SCARB2: variants seen among roughly 807,000 people sequenced by gnomAD.
SCARB2 encodes lysosome membrane protein 2.
Under a neutral mutation model 58.6 loss-of-function variants are expected in SCARB2, and 29 were observed. The observed-to-expected ratio is 0.49, with a 90% confidence interval of 0.37 to 0.67. The LOEUF is 0.67. Ranked by LOEUF, SCARB2 falls within the 30% of genes least tolerant of loss-of-function variation. SCARB2 has a pLI of 0.00. For synonymous variants in SCARB2, 195 were observed against 210.1 expected (o/e 0.93, Z 0.62); for missense variants, 488 against 578.5 (o/e 0.84, Z 1.60).
intron 2 of SCARB2, among the ~76,000 whole-genome samples, chr4:76,182,775 C>T (rs760742530): frequency 5.1e-4 from 77 of 152,290 alleles, no homozygotes; most frequent in African/African-American, 1.5e-3. Flanking sequence ...CGTAAAAATG[C>T]GCCTCGGTGA....
At chr4:76,219,409 G>A (rs1237605329) in intron 1 of SCARB2, among the ~76,000 whole-genome samples, 2 of 152,216 alleles carry the variant, frequency 1.3e-5, no homozygotes, top group East Asian at 3.8e-4. Flanking sequence ...GTACTTTCTA[G>A]AAGCAAATGA....
intron 1 of SCARB2, among the ~76,000 whole-genome samples, chr4:76,203,428 A>G (rs1231056915): frequency 6.6e-6 from 1 of 152,228 alleles, no homozygotes; most frequent in Non-Finnish European, 1.5e-5. Flanking sequence ...CCATCCCAAT[A>G]TTGGTGTTTA....
chr4:76,230,900 T>C (rs1733482336), intron 1 of SCARB2, among the ~76,000 whole-genome samples: 1 of 152,190 alleles, frequency 6.6e-6, no homozygotes, highest in Non-Finnish European at 1.5e-5. Flanking sequence ...AGCTTGGGCA[T>C]GGCTTAATTG....
chr4:76,213,373 T>A, intron 1 of SCARB2, 54 bp downstream of exon 1: 20 of 1,189,850 alleles, frequency 1.7e-5, no homozygotes, highest in Non-Finnish European at 2.5e-5. Context: ...GCAGCAGGGA[T>A]GGGAGGGTGA....
At position 76,161,150 on chromosome 4, in the gene SCARB2, G is replaced by C. The variant is rs1163765230; in HGVS notation, c.*563C>G. The C allele has an allele frequency of 6.4e-6, 1 of 156,792 alleles. No homozygotes were observed. The highest frequency in any genetic ancestry group is 1.4e-5 in the Non-Finnish European group (1 of 70,584). 9.7% of individuals were successfully genotyped at this position (156,792 alleles called of 1,614,324 possible). On this transcript the variant is annotated 3_prime_UTR_variant, in exon 12 of 12. Transcript: ENST00000264896. ...GTTGGAAGACTGAGTTTTCCTGGAAGAATTATGAACTGAAGATCAGCATAA... is the reference window on the plus strand; with the variant it reads ...GTTGGAAGACTGAGTTTTCCTGGAACAATTATGAACTGAAGATCAGCATAA...
At chr4:76,172,750 A>G (rs1285915637) in intron 7 of SCARB2, 5 of 152,014 alleles carry the variant, frequency 3.3e-5, no homozygotes, top group Admixed American at 3.3e-4. Context: ...ACTGGGCTCA[A>G]ACGACCCTTC....
chr4:76,166,209 A>G (rs765114739), intron 10 of SCARB2, 41 bp downstream of exon 10: 6 of 1,598,270 alleles, frequency 3.8e-6, no homozygotes, highest in Non-Finnish European at 5.1e-6. Flanking sequence ...ATTTTTTCTG[A>G]GTCTGAAAAC....
chr4:76,233,655 A>C (rs1733531844), intron 1 of SCARB2, among the ~76,000 whole-genome samples: 1 of 152,104 alleles, frequency 6.6e-6, no homozygotes, highest in African/African-American at 2.4e-5. Flanking sequence ...AGGCAGGAGA[A>C]AACCCAGTCC....
intron 8 of SCARB2, among the ~76,000 whole-genome samples, chr4:76,169,020 G>A (rs1010608320): frequency 5.3e-5 from 8 of 152,174 alleles, no homozygotes; most frequent in African/African-American, 1.9e-4. Flanking sequence ...TTCGTCCCTT[G>A]GTGACAAGCA....
chr4:76,186,281 G>A (rs190454691), intron 2 of SCARB2, among the ~76,000 whole-genome samples: 12 of 152,310 alleles, frequency 7.9e-5, no homozygotes, highest in Non-Finnish European at 1.3e-4. Flanking sequence ...GCGGTGGGGC[G>A]AAGGTGGGCA....
chr4:76,200,356 C>A (rs914455891), intron 1 of SCARB2, among the ~76,000 whole-genome samples: 1 of 152,174 alleles, frequency 6.6e-6, no homozygotes, highest in Non-Finnish European at 1.5e-5. Flanking sequence ...TTAACCAAGA[C>A]GAACATAATG....
intron 1 of SCARB2, among the ~76,000 whole-genome samples, chr4:76,232,521 T>G (rs182305393): frequency 6.6e-4 from 101 of 152,366 alleles, no homozygotes; most frequent in African/African-American, 2.4e-3. Context: ...GTTTTCTCTG[T>G]GGTTTACAAT....
chr4:76,203,937 T>G (rs1732878825), intron 1 of SCARB2, among the ~76,000 whole-genome samples: 1 of 152,230 alleles, frequency 6.6e-6, no homozygotes, highest in African/African-American at 2.4e-5. Flanking sequence ...GTTTCGGGAT[T>G]CGAGAGCACT....
chr4:76,189,587 A>G (rs1732560598), intron 2 of SCARB2, among the ~76,000 whole-genome samples: 2 of 151,778 alleles, frequency 1.3e-5, no homozygotes, highest in African/African-American at 2.4e-5. Context: ...GGTTCAAGTG[A>G]TTCTCCTGCC....
chr4:76,185,330 AAG>A (rs1159953531), intron 2 of SCARB2, among the ~76,000 whole-genome samples: 2 of 152,376 alleles, frequency 1.3e-5, no homozygotes, highest in African/African-American at 4.8e-5. Context: ...CAGAAATACA[AAG>A]AAGAGTTTGA....
intron 1 of SCARB2, among the ~76,000 whole-genome samples, chr4:76,207,232 C>T (rs1732947531): frequency 6.6e-6 from 1 of 152,118 alleles, no homozygotes; most frequent in Admixed American, 6.5e-5. Flanking sequence ...ATAATGATGT[C>T]ATATTGGAAT....
intron 1 of SCARB2, among the ~76,000 whole-genome samples, chr4:76,200,772 G>A (rs1218261849): frequency 6.6e-6 from 1 of 152,092 alleles, no homozygotes; most frequent in Non-Finnish European, 1.5e-5. Context: ...GACCAAAATG[G>A]ACTCATGATT....
chr4:76,180,055 T>C (rs929505353), intron 3 of SCARB2: 2 of 331,746 alleles, frequency 6.0e-6, no homozygotes, highest in Non-Finnish European at 1.2e-5. Flanking sequence ...AGGCTCATTA[T>C]AAACCCGACC....
chr4:76,218,101 G>C (rs953134208), upstream of SCARB2, among the ~76,000 whole-genome samples: 5 of 152,252 alleles, frequency 3.3e-5, no homozygotes, highest in East Asian at 9.6e-4. Context: ...GCCAAGGCAG[G>C]AGAATCACTT....
Sources: gnomAD v4.1 joint callset for allele counts (sites outside exome capture counted in the v4.1 genomes callset) on GRCh38, gnomAD v4.1.1 for gene constraint, MANE v1.5 for transcripts, NCBI Gene and HGNC (gene_info 2026-07-23, HGNC 2026-07-21) for gene names.